ST6GALNAC5: variants seen among roughly 807,000 people sequenced by gnomAD.
The protein encoded by ST6GALNAC5 is alpha-N-acetylgalactosaminide alpha-2,6-sialyltransferase 5.
In ST6GALNAC5, 27 loss-of-function variants were observed where a neutral mutation model predicts 33.6. The observed-to-expected ratio is 0.80, with a 90% CI of 0.59 to 1.11. The LOEUF (loss-of-function observed/expected upper bound fraction) is 1.11, where lower values mean the gene tolerates loss of function less well. ST6GALNAC5 is among the 50% of genes least tolerant of loss of function. ST6GALNAC5 has a pLI of 0.00. For missense variants in ST6GALNAC5, 428 were observed against 454.0 expected, an observed-to-expected ratio of 0.94 and a Z score of 0.52; for synonymous variants, 194 against 171.2, an observed-to-expected ratio of 1.13 and a Z score of -1.04.
intron 2 of ST6GALNAC5, among the ~76,000 whole-genome samples, chr1:76,873,116 C>A (rs1458864555): frequency 6.6e-6 from 1 of 152,136 alleles, no homozygotes; most frequent in Non-Finnish European, 1.5e-5. Context: ...GGCTTTCCTG[C>A]TGATCTGTGA....
At chr1:76,990,028 A>G (rs1649663050) in intron 2 of ST6GALNAC5, among the ~76,000 whole-genome samples, 1 of 152,164 alleles carries the variant, frequency 6.6e-6, no homozygotes, top group Non-Finnish European at 1.5e-5. Context: ...GTATTTTAAG[A>G]TTTAGGATAA....
At chr1:76,992,672 T>G (rs1214904413) in intron 2 of ST6GALNAC5, among the ~76,000 whole-genome samples, 1 of 152,076 alleles carries the variant, frequency 6.6e-6, no homozygotes, top group Non-Finnish European at 1.5e-5. Context: ...TTTTTCTATT[T>G]CTTTGTAGAG....
At chr1:76,949,719 A>C (rs1647670466) in intron 2 of ST6GALNAC5, among the ~76,000 whole-genome samples, 1 of 152,130 alleles carries the variant, frequency 6.6e-6, no homozygotes, top group African/African-American at 2.4e-5. Flanking sequence ...CTCGAGAGGC[A>C]TCCCTCCCAC....
chr1:76,911,140 T>G (rs1443250935), intron 2 of ST6GALNAC5, among the ~76,000 whole-genome samples: 1 of 152,024 alleles, frequency 6.6e-6, no homozygotes, highest in African/African-American at 2.4e-5. Flanking sequence ...TTATTGAGAG[T>G]TTTTAGCATG....
intron 2 of ST6GALNAC5, among the ~76,000 whole-genome samples, chr1:76,906,907 C>T (rs1263615605): frequency 6.6e-6 from 1 of 152,134 alleles, no homozygotes; most frequent in Non-Finnish European, 1.5e-5. Context: ...ACTGTTTCCT[C>T]ATTCTTTTTT....
intron 2 of ST6GALNAC5, among the ~76,000 whole-genome samples, chr1:77,009,521 A>C (rs191481457): frequency 6.6e-6 from 1 of 152,262 alleles, no homozygotes; most frequent in Admixed American, 6.5e-5. Context: ...AGAGGGATCC[A>C]AAGGGGAAAT....
At chr1:76,971,852 T>G (rs1648770825) in intron 2 of ST6GALNAC5, among the ~76,000 whole-genome samples, 1 of 152,216 alleles carries the variant, frequency 6.6e-6, no homozygotes, top group African/African-American at 2.4e-5. Context: ...GGAGACTGTC[T>G]GTAGACACAT....
chr1:77,002,856 T>C (rs200726215), intron 2 of ST6GALNAC5, among the ~76,000 whole-genome samples: 43,368 of 135,046 alleles, frequency 0.32, 7,189 homozygotes, highest in East Asian at 0.44. Context: ...GTCTGAGAGA[T>C]AGTTTGTTAT....
At chr1:76,976,167 T>A (rs1328018229) in intron 2 of ST6GALNAC5, among the ~76,000 whole-genome samples, 1 of 151,888 alleles carries the variant, frequency 6.6e-6, no homozygotes, top group Non-Finnish European at 1.5e-5. Context: ...ATTGGGCAAA[T>A]GAGGGACTTC....
chr1:76,898,079 G>T (rs992295382), intron 2 of ST6GALNAC5, among the ~76,000 whole-genome samples: 15 of 152,234 alleles, frequency 9.9e-5, no homozygotes, highest in African/African-American at 3.6e-4. Context: ...CAGTCAGAGA[G>T]CCTTGGGCCA....
chr1:76,962,736 G>T (rs964807057), intron 2 of ST6GALNAC5, among the ~76,000 whole-genome samples: 1 of 152,068 alleles, frequency 6.6e-6, no homozygotes, highest in African/African-American at 2.4e-5. Flanking sequence ...ACAAAGAGAT[G>T]GTGTTAATTT....
At position 76,868,608 on chromosome 1, in the gene ST6GALNAC5, C is replaced by A. The variant is rs1048467516; in HGVS notation, c.127C>A (p.Gln43Lys). 1 of 1,591,978 alleles carries A rather than the reference C, an allele frequency of 6.3e-7. No homozygotes were observed. Among genetic ancestry groups the A allele is most frequent in the Admixed American group, 1.7e-5 (1 of 58,970 alleles). The change falls in exon 2 of 5, where the codon CAG (glutamine) becomes AAG (lysine). Residue 43 changes from glutamine to lysine, a missense_variant. Transcript: ENST00000477717. The surrounding 1 kb of genome is among the most constrained non-coding windows in gnomAD (Gnocchi z 4.3). ...KERPPQQQQQQQQQQQQASAT... is the reference protein window; with the variant it reads ...KERPPQQQQQKQQQQQQASAT... ...GCGGCCCCCGCAGCAGCAGCAGCAGCAGCAGCAACAGCAGCAGCAGGCGTC... is the reference window on the plus strand; with the variant it reads ...GCGGCCCCCGCAGCAGCAGCAGCAGAAGCAGCAACAGCAGCAGCAGGCGTC...
At chr1:77,011,558 A>T (rs1650635566) in intron 2 of ST6GALNAC5, among the ~76,000 whole-genome samples, 1 of 152,180 alleles carries the variant, frequency 6.6e-6, no homozygotes, top group Non-Finnish European at 1.5e-5. Flanking sequence ...ACAAGGTTAT[A>T]CTTTAGACTA....
chr1:77,013,187 C>T (rs1205172122), intron 2 of ST6GALNAC5, among the ~76,000 whole-genome samples: 2 of 152,114 alleles, frequency 1.3e-5, no homozygotes, highest in African/African-American at 2.4e-5. Context: ...TTGGTGGAAT[C>T]TCCACACCCA....
intron 2 of ST6GALNAC5, among the ~76,000 whole-genome samples, chr1:76,913,251 C>A (rs904758778): frequency 6.6e-6 from 1 of 151,902 alleles, no homozygotes; most frequent in South Asian, 2.1e-4. Context: ...TTGGCCCCCA[C>A]TCTCTTCTGG....
intron 2 of ST6GALNAC5, among the ~76,000 whole-genome samples, chr1:76,873,840 T>G (rs1048626092): frequency 1.4e-4 from 21 of 152,200 alleles, no homozygotes; most frequent in African/African-American, 5.1e-4. Flanking sequence ...TTCTAGGTTT[T>G]TGAACTAATC....
At chr1:76,997,050 A>G (rs1276380632) in intron 2 of ST6GALNAC5, among the ~76,000 whole-genome samples, 1 of 152,210 alleles carries the variant, frequency 6.6e-6, no homozygotes, top group African/African-American at 2.4e-5. Context: ...TGTCACACTT[A>G]CTGTTTCAAT....
chr1:76,974,006 A>G (rs1029015671), intron 2 of ST6GALNAC5, among the ~76,000 whole-genome samples: 7 of 151,974 alleles, frequency 4.6e-5, no homozygotes, highest in African/African-American at 1.7e-4. Flanking sequence ...TTGCTCTCTT[A>G]TTTGGTTTCT....
chr1:76,966,639 A>T (rs1427425837), intron 2 of ST6GALNAC5, among the ~76,000 whole-genome samples: 1 of 152,174 alleles, frequency 6.6e-6, no homozygotes, highest in Non-Finnish European at 1.5e-5. Flanking sequence ...ACTATGTTGA[A>T]TAGGAGTGGT....
Sources: allele counts gnomAD v4.1 joint callset (sites outside exome capture counted in the v4.1 genomes callset), GRCh38; gene constraint gnomAD v4.1.1; non-coding constraint Gnocchi (gnomAD v3.1); transcripts MANE v1.5; gene names NCBI Gene and HGNC (gene_info 2026-07-23, HGNC 2026-07-21).